The following FAM13A variants were observed in gnomAD, a reference collection of about 807,000 sequenced individuals.
The protein encoded by FAM13A is family with sequence similarity 13 member A, also known as protein FAM13A.
In FAM13A, 76 loss-of-function variants were observed where a neutral mutation model predicts 129.6. That is an observed-to-expected ratio of 0.59 (90% confidence interval 0.49 to 0.71). The LOEUF is 0.71. FAM13A is among the 30% of genes least tolerant of loss of function. FAM13A has a pLI of 0.00. For missense variants in FAM13A, 1,108 were observed against 1,249.3 expected (o/e 0.89, Z 1.70); for synonymous variants, 443 against 449.9 (o/e 0.98, Z 0.20).
At chr4:88,937,343 C>G (rs1055719726) in intron 5 of FAM13A, 2 of 152,174 alleles carry the variant, frequency 1.3e-5, no homozygotes, top group Admixed American at 1.3e-4. Flanking sequence ...TGATAAGCTT[C>G]AAGAAACCTC....
intron 4 of FAM13A, among the ~76,000 whole-genome samples, chr4:88,989,457 T>C (rs886280974): frequency 2.0e-5 from 3 of 151,872 alleles, no homozygotes; most frequent in Non-Finnish European, 4.4e-5. Flanking sequence ...CAAAAATTAA[T>C]TGGGCATGAT....
intron 1 of FAM13A, chr4:89,029,884 A>G (rs1768462459): frequency 1.9e-6 from 1 of 529,112 alleles, no homozygotes; most frequent in South Asian, 2.4e-5. Flanking sequence ...TGCAGCTAAG[A>G]GAGGGAGCAA....
intron 6 of FAM13A, among the ~76,000 whole-genome samples, chr4:88,904,063 T>C (rs1393151685): frequency 2.0e-5 from 3 of 152,106 alleles, no homozygotes; most frequent in Non-Finnish European, 4.4e-5. Flanking sequence ...AAAACCACAA[T>C]GAGATACCAT....
intron 1 of FAM13A, 103 bp downstream of exon 1, chr4:89,056,835 A>G: frequency 2.6e-6 from 3 of 1,136,604 alleles, no homozygotes; most frequent in Middle Eastern, 2.0e-4. Context: ...CCTCCTGGGA[A>G]GGAAAAATAA....
chr4:88,972,445 G>A (rs1286636251), intron 4 of FAM13A, among the ~76,000 whole-genome samples: 2 of 152,018 alleles, frequency 1.3e-5, no homozygotes, highest in Non-Finnish European at 2.9e-5. Flanking sequence ...GGGACTACAG[G>A]TGCGTGCCAC....
In FAM13A at chr4:88,946,004, A is replaced by G. The variant is rs374389142; in HGVS notation, c.606-7763T>C. The stretch of plus-strand genomic sequence containing the variant: ...TGTGTGTGTGTGTATATATATATAT[A>G]TATATATATATATATATATGTAATC... On this transcript the variant is annotated intron_variant, in intron 4 of 23. Coordinates refer to ENST00000264344, the MANE Select transcript of FAM13A (RefSeq NM_014883.4). Among the ~76,000 whole-genome samples the G allele has an allele frequency of 4.1e-3, 217 of 52,748 alleles. 2 individuals carry two copies. The highest frequency in any genetic ancestry group is 0.014 in the Middle Eastern group (2 of 140). The allele number at this position is 52,748 out of a possible 152,430, so 34.6% of individuals were successfully genotyped here.
At chr4:88,807,953 T>C (rs1161850087) in intron 7 of FAM13A, among the ~76,000 whole-genome samples, 2 of 152,130 alleles carry the variant, frequency 1.3e-5, no homozygotes, top group African/African-American at 2.4e-5. Context: ...AAAAAGAAAA[T>C]GTAAGCACTG....
At chr4:89,036,002 G>C (rs1769342879) in intron 1 of FAM13A, among the ~76,000 whole-genome samples, 1 of 152,176 alleles carries the variant, frequency 6.6e-6, no homozygotes, top group South Asian at 2.1e-4. Context: ...TGTGAGAACA[G>C]ACTAATACAG....
chr4:88,858,562 T>C (rs142013387), intron 6 of FAM13A, among the ~76,000 whole-genome samples: 11 of 152,262 alleles, frequency 7.2e-5, no homozygotes, highest in Non-Finnish European at 1.2e-4. Context: ...ATACGATCAG[T>C]AATGAAAGGA....
chr4:88,926,026 G>A (rs1274686885), intron 5 of FAM13A, among the ~76,000 whole-genome samples: 4 of 152,160 alleles, frequency 2.6e-5, no homozygotes, highest in African/African-American at 9.7e-5. Context: ...TGGTTCTGCG[G>A]TGGAATGGGG....
intron 23 of FAM13A, among the ~76,000 whole-genome samples, chr4:88,730,662 G>A (rs1737520403): frequency 1.3e-5 from 2 of 152,126 alleles, no homozygotes; most frequent in African/African-American, 2.4e-5. Context: ...AAAGTGCTAG[G>A]ATTACAGGCG....
intron 4 of FAM13A, among the ~76,000 whole-genome samples, chr4:88,987,510 C>G (rs7697921): frequency 0.71 from 108,418 of 151,980 alleles, 39,002 homozygotes; most frequent in African/African-American, 0.82. Context: ...GGCTTCTAAT[C>G]GGATGCAACA....
intron 5 of FAM13A, among the ~76,000 whole-genome samples, chr4:88,926,504 A>G (rs6835019): frequency 0.27 from 41,639 of 152,028 alleles, 5,873 homozygotes; most frequent in East Asian, 0.36. Flanking sequence ...ACATAGCATA[A>G]TGGCGTCTTC....
chr4:88,787,678 C>T, intron 10 of FAM13A, 75 bp downstream of exon 10: 1 of 1,409,998 alleles, frequency 7.1e-7, no homozygotes, highest in Non-Finnish European at 9.8e-7. Flanking sequence ...GACTATAACA[C>T]AGCGACTAAT....
chr4:88,766,410 T>C (rs1745715243), intron 13 of FAM13A, among the ~76,000 whole-genome samples: 1 of 152,112 alleles, frequency 6.6e-6, no homozygotes. Flanking sequence ...GCTCAGAAGC[T>C]GTGAGGTCAG....
chr4:88,786,809 T>G (rs1724059818), intron 10 of FAM13A, among the ~76,000 whole-genome samples: 1 of 152,082 alleles, frequency 6.6e-6, no homozygotes, highest in Admixed American at 6.6e-5. Flanking sequence ...CCATAAAGGG[T>G]TTAATGTAGA....
chr4:88,785,183 C>T (rs903241119), intron 10 of FAM13A, among the ~76,000 whole-genome samples: 2 of 152,052 alleles, frequency 1.3e-5, no homozygotes, highest in Non-Finnish European at 2.9e-5. Context: ...CTCTAAGTTA[C>T]TAGAGGCAAA....
In FAM13A at chr4:88,878,246, C is replaced by T. The variant is rs1742926856; in HGVS notation, c.844-27063G>A. 2.2e-5 allele frequency among the ~76,000 whole-genome samples: 3 copies of T among 134,050 alleles called. No individual in the cohort carries two copies. In the East Asian group the frequency reaches 6.5e-4, roughly 29 times the overall value. The allele number at this position is 134,050 out of a possible 152,430, so 87.9% of individuals were successfully genotyped here. On this transcript the variant is annotated intron_variant, in intron 6 of 23. Coordinates refer to ENST00000264344, the MANE Select transcript of FAM13A (RefSeq NM_014883.4). ...GAGCTTGCAGTGAGCCGAGATTGCG[C>T]CACTGCACTCCAGCCTGGGCGACAG... is the stretch of plus-strand genomic sequence containing the variant.
At chr4:89,035,314 C>T (rs1174356947) in intron 1 of FAM13A, among the ~76,000 whole-genome samples, 6 of 152,090 alleles carry the variant, frequency 3.9e-5, no homozygotes. Flanking sequence ...AACAAACCTG[C>T]ACATGCACCC....
Sources: allele counts gnomAD v4.1 joint callset (sites outside exome capture counted in the v4.1 genomes callset), GRCh38; gene constraint gnomAD v4.1.1; transcripts MANE v1.5; gene names NCBI Gene and HGNC (gene_info 2026-07-23, HGNC 2026-07-21).